Variants in AHCYL1 observed in about 807,000 individuals in gnomAD.
The protein encoded by AHCYL1 is S-adenosylhomocysteine hydrolase-like protein 1.
AHCYL1 carries 20 observed loss-of-function variants against 79.3 expected under a neutral mutation model. That is an observed-to-expected ratio of 0.25 (90% confidence interval 0.18 to 0.37). AHCYL1 has a LOEUF of 0.37. AHCYL1 is among the 10% of genes least tolerant of loss of function. The probability of loss-of-function intolerance (pLI) is 1.00; values close to 1 mark genes in which losing one functional copy is unlikely to be tolerated. For synonymous variants in AHCYL1, 223 were observed against 242.2 expected (o/e 0.92, Z 0.74); for missense variants, 330 against 673.6 (o/e 0.49, Z 5.65).
At chr1:110,018,162 C>G in intron 11 of AHCYL1, 146 bp downstream of exon 11, 1 of 1,067,840 alleles carries the variant, frequency 9.4e-7, no homozygotes, top group Non-Finnish European at 1.4e-6. Flanking sequence ...ACATGTTTTC[C>G]AGAGTAAAAA....
Position 109,984,979 on chromosome 1 carries a change from G to A in AHCYL1, c.-74G>A. 7.3e-7 allele frequency: 1 copy of A among 1,374,606 alleles called. No homozygotes were observed. The allele number at this position is 1,374,606 out of a possible 1,614,324, so 85.2% of individuals were successfully genotyped here. The stretch of plus-strand genomic sequence containing the variant: ...GATCGCGTGTCGGAGGGCGCCGCGC[G>A]GGCAGGCGGGCGGGCGCCAGAGGGG... On this transcript the variant is annotated 5_prime_UTR_variant, in exon 1 of 17. Transcript: ENST00000369799.
At position 110,023,732 on chromosome 1, in the gene AHCYL1, A is replaced by G. The variant is rs1651942887; in HGVS notation, c.*2052A>G. 6.5e-6 allele frequency: 1 copy of G among 152,688 alleles called. No individual in the cohort carries two copies. 9.5% of individuals were successfully genotyped at this position (152,688 alleles called of 1,614,324 possible). A position where few individuals can be genotyped will look rare whatever the true frequency, so the allele number is the denominator to read the frequency against. On this transcript the variant is annotated 3_prime_UTR_variant, in exon 17 of 17. Coordinates refer to ENST00000369799, the MANE Select transcript of AHCYL1 (RefSeq NM_006621.7). ...ATAATCATTAAAATCGATTAAAATG[A>G]TAAGACCTTATTGGCAGTCCGTATG...
Position 110,018,059 on chromosome 1 carries a change from CT to C in AHCYL1, c.1123+45del, listed in dbSNP as rs1179281581. 14 of 1,600,154 alleles carry C rather than the reference CT, an allele frequency of 8.7e-6. No homozygotes were observed. In the South Asian group the frequency reaches 1.2e-4, roughly 14 times the overall value. On this transcript the variant is annotated intron_variant, in intron 11 of 16. Coordinates refer to ENST00000369799, the MANE Select transcript of AHCYL1 (RefSeq NM_006621.7). Reference sequence around the variant, plus strand: ...AGAAGTGTTTATTCAGAGGCTAAATCTTGAAAGTAGTCTGAGTGACTTTCAT... The same window carrying C: ...AGAAGTGTTTATTCAGAGGCTAAATCTGAAAGTAGTCTGAGTGACTTTCAT...
At chr1:110,019,165 C>T in intron 14 of AHCYL1, 46 bp downstream of exon 14, 1 of 1,565,012 alleles carries the variant, frequency 6.4e-7, no homozygotes, top group South Asian at 1.1e-5. Context: ...ATTTGTGGAA[C>T]TGGGCGTAGA....
At chr1:109,994,431 T>A (rs1002946093) in intron 1 of AHCYL1, among the ~76,000 whole-genome samples, 19 of 151,746 alleles carry the variant, frequency 1.3e-4, no homozygotes, top group Admixed American at 1.1e-3. Flanking sequence ...CCTGGCTAAA[T>A]TTTTTTTGGT....
At chr1:110,012,298 C>G in intron 3 of AHCYL1, 64 bp from the exon 4 acceptor site, 2 of 1,464,424 alleles carry the variant, frequency 1.4e-6, no homozygotes, top group Non-Finnish European at 1.9e-6. Context: ...CCAGACCAGC[C>G]CTGGGGCAGG....
intron 1 of AHCYL1, among the ~76,000 whole-genome samples, chr1:109,993,762 AACTTGAATTTCTC>A (rs1167697914): frequency 6.6e-6 from 1 of 152,214 alleles, no homozygotes; most frequent in African/African-American, 2.4e-5. Context: ...TGGGGAAGGT[AACTTGAATTTCTC>A]ACCATTGAAA....
intron 1 of AHCYL1, among the ~76,000 whole-genome samples, chr1:109,998,460 A>C (rs1254492505): frequency 6.6e-6 from 1 of 152,086 alleles, no homozygotes; most frequent in African/African-American, 2.4e-5. Flanking sequence ...GTCTCTAAAA[A>C]ATAAAAATAA....
intron 1 of AHCYL1, among the ~76,000 whole-genome samples, chr1:109,999,156 T>TA (rs59438691): frequency 0.018 from 2,567 of 145,362 alleles, 75 homozygotes; most frequent in African/African-American, 0.058. Flanking sequence ...TCTGTCTCTT[T>TA]AAAAAAAAAA....
chr1:109,988,012 A>G (rs1280659210), intron 1 of AHCYL1, among the ~76,000 whole-genome samples: 1 of 152,216 alleles, frequency 6.6e-6, no homozygotes, highest in African/African-American at 2.4e-5. Flanking sequence ...GGCTTATAAC[A>G]CAGAACATAT....
In AHCYL1 at chr1:109,984,968, G is replaced by T; in HGVS notation, c.-85G>T. 7.3e-7 allele frequency: 1 copy of T among 1,365,958 alleles called. No individual in the cohort carries two copies. The highest frequency in any genetic ancestry group is 1.8e-5 in the South Asian group (1 of 55,532). The allele number at this position is 1,365,958 out of a possible 1,614,324, so 84.6% of individuals were successfully genotyped here. ...GGAGGGTGGGCGATCGCGTGTCGGA[G>T]GGCGCCGCGCGGGCAGGCGGGCGGG... On this transcript the variant is annotated 5_prime_UTR_variant, in exon 1 of 17. The change creates a new upstream start codon in the 5' untranslated region. Coordinates refer to ENST00000369799, the MANE Select transcript of AHCYL1 (RefSeq NM_006621.7).
intron 1 of AHCYL1, among the ~76,000 whole-genome samples, chr1:109,990,964 C>T (rs1649727454): frequency 6.6e-6 from 1 of 152,142 alleles, no homozygotes; most frequent in Non-Finnish European, 1.5e-5. Flanking sequence ...TTTCTCATTG[C>T]TCTTAACAGC....
chr1:109,998,830 A>T (rs1369055855), intron 1 of AHCYL1, among the ~76,000 whole-genome samples: 2 of 151,968 alleles, frequency 1.3e-5, no homozygotes, highest in African/African-American at 4.8e-5. Flanking sequence ...AGTATTTGAT[A>T]TTTTTTTCAG....
At position 110,011,215 on chromosome 1, in the gene AHCYL1, T is replaced by G. The variant is rs1651002074; in HGVS notation, c.234T>G (p.Ala78=). The change falls in exon 3 of 17, where the codon GCT becomes GCG. Residue 78 remains alanine, a splice_region_variant and synonymous_variant. Coordinates refer to ENST00000369799, the MANE Select transcript of AHCYL1 (RefSeq NM_006621.7). ...TGTTTTTTTCTTTCCTGGCTCTAGC[T>G]GCATCCTACACAGATAGCTCTGATG... The part of the protein sequence containing the change: ...SQSSTDSYSS[A]ASYTDSSDDE... The G allele has an allele frequency of 6.2e-7, 1 of 1,613,538 alleles. No homozygotes were observed. The highest frequency in any genetic ancestry group is 1.3e-5 in the African/African-American group (1 of 74,952).
At chr1:110,021,566 C>T (rs560234110) in intron 16 of AHCYL1, 108 bp from the exon 17 acceptor site, 1 of 1,058,226 alleles carries the variant, frequency 9.4e-7, no homozygotes, top group South Asian at 1.4e-5. Context: ...GCAGGGATCC[C>T]ACCCAGGCTG....
At chr1:110,000,244 T>C (rs1269622044) in intron 1 of AHCYL1, among the ~76,000 whole-genome samples, 1 of 152,246 alleles carries the variant, frequency 6.6e-6, no homozygotes, top group Non-Finnish European at 1.5e-5. Context: ...AAATTTTGCT[T>C]AAACGCAGGT....
At position 110,023,451 on chromosome 1, in the gene AHCYL1, G is replaced by A. The variant is rs1021668976; in HGVS notation, c.*1771G>A. ...ACCTGGCCAACAGTGTATCCATCACGTTAGCCCTGCTGGAGGGAAGGGACC... is the reference window on the plus strand; with the variant it reads ...ACCTGGCCAACAGTGTATCCATCACATTAGCCCTGCTGGAGGGAAGGGACC... On this transcript the variant is annotated 3_prime_UTR_variant, in exon 17 of 17. Transcript: ENST00000369799. 2.0e-5 allele frequency: 3 copies of A among 152,700 alleles called. No individual in the cohort carries two copies. Among genetic ancestry groups the A allele is most frequent in the South Asian group, 2.1e-4 (1 of 4,824 alleles). 9.5% of individuals were successfully genotyped at this position (152,700 alleles called of 1,614,324 possible). A position where few individuals can be genotyped will look rare whatever the true frequency, so the allele number is the denominator to read the frequency against.
At chr1:109,988,327 A>G (rs977545395) in intron 1 of AHCYL1, among the ~76,000 whole-genome samples, 1 of 152,252 alleles carries the variant, frequency 6.6e-6, no homozygotes, top group Admixed American at 6.5e-5. Context: ...TTCAGATGGT[A>G]TGGCTAGGAA....
chr1:109,986,174 C>T (rs1161568800), intron 1 of AHCYL1, among the ~76,000 whole-genome samples: 3 of 152,148 alleles, frequency 2.0e-5, no homozygotes, highest in African/African-American at 7.2e-5. Context: ...TAAATGTCTC[C>T]CTTCTTTATA....
Sources: allele counts gnomAD v4.1 joint callset (sites outside exome capture counted in the v4.1 genomes callset), GRCh38; gene constraint gnomAD v4.1.1; transcripts MANE v1.5; gene names NCBI Gene and HGNC (gene_info 2026-07-23, HGNC 2026-07-21).